The following CNTNAP2 variants were observed in gnomAD, a reference collection of about 807,000 sequenced individuals.
The protein encoded by CNTNAP2 is contactin-associated protein-like 2.
A neutral mutation model predicts 155.2 loss-of-function variants in CNTNAP2; 98 were observed. That is an observed-to-expected ratio of 0.63 (90% CI 0.54 to 0.75). The LOEUF (loss-of-function observed/expected upper bound fraction) is 0.75, where lower values mean the gene tolerates loss of function less well. CNTNAP2 is among the 30% of genes least tolerant of loss of function. The pLI, the probability that CNTNAP2 is intolerant of heterozygous loss-of-function variation, is 0.00. For missense variants in CNTNAP2, 1,727 were observed against 1,688.1 expected, an observed-to-expected ratio of 1.02 and a Z score of -0.40; for synonymous variants, 651 against 631.2, an observed-to-expected ratio of 1.03 and a Z score of -0.47.
intron 13 of CNTNAP2, among the ~76,000 whole-genome samples, chr7:147,667,824 ATAAAAAAAT>A (rs1795722866): frequency 6.3e-5 from 9 of 142,852 alleles, no homozygotes; most frequent in Non-Finnish European, 1.1e-4. Context: ...AAAAAATAAA[ATAAAAAAAT>A]AAAAGATACC....
intron 1 of CNTNAP2, among the ~76,000 whole-genome samples, chr7:146,269,022 T>C (rs961063163): frequency 2.0e-5 from 3 of 152,138 alleles, no homozygotes; most frequent in African/African-American, 7.2e-5. Flanking sequence ...TTCATAGCAG[T>C]TCACAAAAGA....
chr7:147,760,054 G>A (rs140471737), intron 13 of CNTNAP2, among the ~76,000 whole-genome samples: 10 of 151,960 alleles, frequency 6.6e-5, no homozygotes, highest in Non-Finnish European at 1.5e-4. Context: ...GAGAAGACAC[G>A]ATGGGTTACT....
At chr7:146,480,795 G>T (rs1447732751) in intron 1 of CNTNAP2, among the ~76,000 whole-genome samples, 2 of 147,298 alleles carry the variant, frequency 1.4e-5, no homozygotes, top group Non-Finnish European at 3.0e-5. Context: ...CCATTCTCCT[G>T]CCTCAGCCTC....
intron 3 of CNTNAP2, among the ~76,000 whole-genome samples, chr7:146,994,529 T>C (rs1419854373): frequency 6.6e-6 from 1 of 152,126 alleles, no homozygotes; most frequent in African/African-American, 2.4e-5. Context: ...TGCAGCAAAT[T>C]TGCGAAATTA....
chr7:146,552,459 A>C (rs530063431), intron 1 of CNTNAP2, among the ~76,000 whole-genome samples: 22 of 152,244 alleles, frequency 1.4e-4, no homozygotes, highest in African/African-American at 5.3e-4. Flanking sequence ...ACTTCTAACC[A>C]ACCAAATTTA....
At chr7:147,347,461 T>TATGTATATATGC (rs1554472697) in intron 9 of CNTNAP2, among the ~76,000 whole-genome samples, 1 of 62,552 alleles carries the variant, frequency 1.6e-5, no homozygotes, top group African/African-American at 5.6e-5. Context: ...TATATGCATA[T>TATGTATATATGC]ATATATATAT....
At chr7:147,964,264 A>G (rs10229688) in intron 14 of CNTNAP2, among the ~76,000 whole-genome samples, 20,532 of 152,040 alleles carry the variant, frequency 0.14, 2,280 homozygotes, top group African/African-American at 0.31. Context: ...TCAAGCTTTC[A>G]AAACTACCAG....
At chr7:146,784,455 A>G (rs1024929564) in intron 2 of CNTNAP2, among the ~76,000 whole-genome samples, 5 of 152,146 alleles carry the variant, frequency 3.3e-5, no homozygotes, top group Admixed American at 3.3e-4. Flanking sequence ...TACTGGCCCT[A>G]TAAAGTTTAG....
At chr7:147,338,392 T>A (rs1474036524) in intron 9 of CNTNAP2, among the ~76,000 whole-genome samples, 1 of 152,168 alleles carries the variant, frequency 6.6e-6, no homozygotes, top group Non-Finnish European at 1.5e-5. Flanking sequence ...ACAGTGATTG[T>A]CTTAATCACC....
At chr7:147,615,426 C>A (rs543481817) in intron 12 of CNTNAP2, among the ~76,000 whole-genome samples, 8 of 141,366 alleles carry the variant, frequency 5.7e-5, no homozygotes. Flanking sequence ...ATAGTGAGAA[C>A]CTGTCTCAAA....
At chr7:147,515,343 A>ATTT (rs1799102944) in intron 11 of CNTNAP2, among the ~76,000 whole-genome samples, 1 of 28,212 alleles carries the variant, frequency 3.5e-5, no homozygotes, top group Non-Finnish European at 1.3e-4. Context: ...GTTTGTTTTG[A>ATTT]GACAAGTCTC....
Position 147,403,480 on chromosome 7 carries a change from C to A in CNTNAP2, c.1670+7700C>A, listed in dbSNP as rs113936492. On this transcript the variant is annotated intron_variant, in intron 10 of 23. Transcript: ENST00000361727. ...TTTTGGCTTAGGGTTGAGATTTATTCAGTCAACAAATACTTCTTGAAGATC... is the reference window on the plus strand; with the variant it reads ...TTTTGGCTTAGGGTTGAGATTTATTAAGTCAACAAATACTTCTTGAAGATC... Among the ~76,000 whole-genome samples, 78 of 152,268 alleles carry A rather than the reference C, an allele frequency of 5.1e-4. 1 individual carries two copies. The highest frequency in any genetic ancestry group is 1.8e-3 in the African/African-American group (76 of 41,544).
intron 1 of CNTNAP2, among the ~76,000 whole-genome samples, chr7:146,645,891 A>G (rs999137132): frequency 6.6e-6 from 1 of 152,136 alleles, no homozygotes; most frequent in African/African-American, 2.4e-5. Context: ...TGTTGGTAAT[A>G]TACTTCAAAA....
At chr7:147,602,924 A>G (rs1800982051) in intron 12 of CNTNAP2, among the ~76,000 whole-genome samples, 2 of 152,104 alleles carry the variant, frequency 1.3e-5, no homozygotes, top group South Asian at 2.1e-4. Context: ...AGTCTTTGCT[A>G]TTGTGAATAG....
At chr7:146,800,366 G>T (rs762722819) in intron 2 of CNTNAP2, among the ~76,000 whole-genome samples, 12 of 152,290 alleles carry the variant, frequency 7.9e-5, no homozygotes, top group Admixed American at 2.0e-4. Flanking sequence ...AGCTGCCCGG[G>T]GTGGCCTGGG....
intron 1 of CNTNAP2, among the ~76,000 whole-genome samples, chr7:146,337,128 C>A (rs1288443444): frequency 6.6e-6 from 1 of 151,730 alleles, no homozygotes; most frequent in Non-Finnish European, 1.5e-5. Flanking sequence ...TGAAAAGTAC[C>A]CAGGACCCCC....
At chr7:147,204,916 T>C (rs980575762) in intron 8 of CNTNAP2, among the ~76,000 whole-genome samples, 5 of 152,156 alleles carry the variant, frequency 3.3e-5, no homozygotes, top group Admixed American at 3.3e-4. Flanking sequence ...ATAAGTTGCC[T>C]TGTTTAACAT....
intron 1 of CNTNAP2, among the ~76,000 whole-genome samples, chr7:146,471,602 G>T (rs1276067679): frequency 1.3e-5 from 2 of 152,178 alleles, no homozygotes; most frequent in Non-Finnish European, 2.9e-5. Context: ...ACACATAGTA[G>T]TTTCTCAATT....
intron 2 of CNTNAP2, among the ~76,000 whole-genome samples, chr7:146,795,134 A>G (rs1040068816): frequency 2.0e-5 from 3 of 152,246 alleles, no homozygotes. Flanking sequence ...CTGAACATAG[A>G]TAATGCAACA....
Sources: allele counts gnomAD v4.1 joint callset (sites outside exome capture counted in the v4.1 genomes callset), GRCh38; gene constraint gnomAD v4.1.1; transcripts MANE v1.5; gene names NCBI Gene and HGNC (gene_info 2026-07-23, HGNC 2026-07-21).